Variants in UNKL observed in about 807,000 individuals in gnomAD.
The protein encoded by UNKL is unk like zinc finger.
UNKL carries 60 observed loss-of-function variants against 78.0 expected under a neutral mutation model. The ratio of observed to expected loss-of-function variants is 0.77; its 90% CI spans 0.63 to 0.95. UNKL has a LOEUF of 0.95. UNKL is among the 40% of genes least tolerant of loss of function. UNKL has a pLI of 0.00. For synonymous variants in UNKL, 608 were observed against 474.8 expected (o/e 1.28, Z -3.65); for missense variants, 1,159 against 1,045.7 (o/e 1.11, Z -1.49).
At chr16:1,366,854 AGAGG>A (rs2141906918) in intron 14 of UNKL, among the ~76,000 whole-genome samples, 1 of 143,858 alleles carries the variant, frequency 7.0e-6, no homozygotes, top group South Asian at 2.3e-4. Context: ...TTCGCTGACA[AGAGG>A]GAGGGGTGAA....
chr16:1,368,704 C>T (rs576328990), intron 12 of UNKL, among the ~76,000 whole-genome samples: 1 of 150,306 alleles, frequency 6.7e-6, no homozygotes, highest in African/African-American at 2.5e-5. Context: ...AGTTTGAGAC[C>T]AGTATGGCCA....
chr16:1,378,129 G>A (rs1452115555), intron 10 of UNKL, among the ~76,000 whole-genome samples: 27 of 152,084 alleles, frequency 1.8e-4, no homozygotes, highest in Admixed American at 1.8e-3. Flanking sequence ...AAAGCTGCTC[G>A]GCCTCCAAGC....
rs138187506 is a variant in UNKL at position 1,392,709 on chromosome 16, A to G, written c.1023+182T>C. 1.0e-3 allele frequency among the ~76,000 whole-genome samples: 159 copies of G among 152,352 alleles called. 1 individual carries two copies. The highest frequency in any genetic ancestry group is 3.7e-3 in the African/African-American group (155 of 41,578). The stretch of plus-strand genomic sequence containing the variant: ...CTCAGCCTCCCAAAGTGCTGGGATG[A>G]CAGGCGTGAGCCACTGCCCCCAGCC... On this transcript the variant is annotated intron_variant, in intron 8 of 14. Transcript: ENST00000389221.
intron 10 of UNKL, among the ~76,000 whole-genome samples, chr16:1,380,673 A>ATTTTTTTTTTTT (rs57595079): frequency 7.0e-5 from 7 of 99,396 alleles, no homozygotes; most frequent in African/African-American, 1.6e-4. Context: ...CTGGTTCAGG[A>ATTTTTTTTTTTT]TTTTTTTTTT....
chr16:1,383,967 A>G (rs1360416488), intron 10 of UNKL: 6 of 254,484 alleles, frequency 2.4e-5, no homozygotes, highest in Non-Finnish European at 4.3e-5. Flanking sequence ...GGCTGAGCTG[A>G]GCAGGGCCCG....
intron 10 of UNKL, among the ~76,000 whole-genome samples, chr16:1,380,442 T>C (rs937792432): frequency 2.6e-5 from 4 of 152,128 alleles, no homozygotes; most frequent in East Asian, 1.9e-4. Context: ...AGGAGTGCCC[T>C]GGGGTCAGCG....
intron 10 of UNKL, among the ~76,000 whole-genome samples, chr16:1,381,573 T>C (rs1317199827): frequency 6.6e-6 from 1 of 152,160 alleles, no homozygotes; most frequent in South Asian, 2.1e-4. Flanking sequence ...TGAGGCAAGA[T>C]TGTGCCATTG....
chr16:1,392,535 A>G (rs1239362143), intron 8 of UNKL, among the ~76,000 whole-genome samples: 2 of 152,050 alleles, frequency 1.3e-5, no homozygotes, highest in Admixed American at 1.3e-4. Flanking sequence ...CCTGGGTTCA[A>G]GTGATTCTCC....
In UNKL at chr16:1,399,070, G is replaced by A; in HGVS notation, c.734+304C>T. On this transcript the variant is annotated intron_variant, in intron 5 of 14. Coordinates refer to ENST00000389221, the MANE Select transcript of UNKL (RefSeq NM_001372107.1). This position sits in a 1 kb window ranked among gnomAD's most constrained non-coding sequence, Gnocchi z 5.8. ...CCAGAGGCACGGGTGGGGCACACGG[G>A]GGTCCCAGCTGGGCTTGGGGTCCCT... 7.3e-7 allele frequency: 1 copy of A among 1,366,720 alleles called. No homozygotes were observed. Among genetic ancestry groups the A allele is most frequent in the South Asian group, 1.5e-5 (1 of 66,466 alleles). 84.7% of individuals were successfully genotyped at this position (1,366,720 alleles called of 1,614,324 possible). A position where few individuals can be genotyped will look rare whatever the true frequency, so the allele number is the denominator to read the frequency against.
At chr16:1,396,055 G>A (rs1271315521) in intron 6 of UNKL, among the ~76,000 whole-genome samples, 11 of 151,970 alleles carry the variant, frequency 7.2e-5, no homozygotes, top group Admixed American at 4.6e-4. Context: ...TGATCCTCGC[G>A]CCTCAGCCTC....
rs531018768 is a variant in UNKL at position 1,399,163 on chromosome 16, C to G, written c.734+211G>C. ...AGGGGACTGCATGGGAGACACTGAGCGTAGGTGGGGAGGCCCATCCCCAGG... is the reference window on the plus strand; with the variant it reads ...AGGGGACTGCATGGGAGACACTGAGGGTAGGTGGGGAGGCCCATCCCCAGG... On this transcript the variant is annotated intron_variant, in intron 5 of 14. Transcript: ENST00000389221. The surrounding 1 kb of genome is among the most constrained non-coding windows in gnomAD (Gnocchi z 5.8). 9.0e-7 allele frequency: 1 copy of G among 1,108,534 alleles called. No individual in the cohort carries two copies. The highest frequency in any genetic ancestry group is 1.7e-5 in the South Asian group (1 of 59,834). 68.7% of individuals were successfully genotyped at this position (1,108,534 alleles called of 1,614,324 possible). A position where few individuals can be genotyped will look rare whatever the true frequency, so the allele number is the denominator to read the frequency against.
intron 6 of UNKL, among the ~76,000 whole-genome samples, chr16:1,394,681 C>A (rs970952240): frequency 6.6e-6 from 1 of 152,200 alleles, no homozygotes; most frequent in Non-Finnish European, 1.5e-5. Context: ...AGCCCCCAGT[C>A]GGCCTTGGGA....
At chr16:1,398,681 A>AGGGCC in intron 5 of UNKL, 1 of 694,504 alleles carries the variant, frequency 1.4e-6, no homozygotes, top group Non-Finnish European at 1.9e-6. Context: ...TGGGGTCTGC[A>AGGGCC]CCCCCCCACC....
chr16:1,401,450 TC>T (rs756151961), intron 4 of UNKL, 117 bp downstream of exon 4: 4 of 1,274,956 alleles, frequency 3.1e-6, no homozygotes, highest in Non-Finnish European at 4.1e-6. Context: ...AGCCTCGGTT[TC>T]CCCATCTGAT....
chr16:1,409,509 TTTCC>T (rs541169639), intron 2 of UNKL, among the ~76,000 whole-genome samples: 161 of 152,156 alleles, frequency 1.1e-3, no homozygotes, highest in African/African-American at 3.7e-3. Flanking sequence ...AATAAGGAAA[TTTCC>T]TTACTATGTG....
rs2035118845 is a variant in UNKL at position 1,364,895 on chromosome 16, C to T, written c.*1345G>A. ...CGGGTGCTGGGGAGGCAACCACTCT[C>T]CCAGTTCACTGCCTGACCCCTGCCA... On this transcript the variant is annotated 3_prime_UTR_variant, in exon 15 of 15. Coordinates refer to ENST00000389221, the MANE Select transcript of UNKL (RefSeq NM_001372107.1). 6.6e-6 allele frequency: 1 copy of T among 152,420 alleles called. No homozygotes were observed. Among genetic ancestry groups the T allele is most frequent in the Non-Finnish European group, 1.5e-5 (1 of 68,178 alleles). 9.4% of individuals were successfully genotyped at this position (152,420 alleles called of 1,614,324 possible). A position where few individuals can be genotyped will look rare whatever the true frequency, so the allele number is the denominator to read the frequency against.
intron 4 of UNKL, 98 bp downstream of exon 4, chr16:1,401,470 A>C (rs547395595): frequency 6.0e-6 from 8 of 1,343,184 alleles, no homozygotes; most frequent in Non-Finnish European, 7.8e-6. Flanking sequence ...ATCACCTTGC[A>C]CGTAAACTGA....
intron 9 of UNKL, among the ~76,000 whole-genome samples, chr16:1,388,194 C>T (rs1189224755): frequency 6.6e-6 from 1 of 152,140 alleles, no homozygotes; most frequent in Non-Finnish European, 1.5e-5. Flanking sequence ...GAGTCTGTGC[C>T]CCGCACCTGT....
intron 6 of UNKL, among the ~76,000 whole-genome samples, chr16:1,396,686 T>C (rs555940558): frequency 1.1e-4 from 16 of 152,184 alleles, no homozygotes; most frequent in East Asian, 3.9e-4. Context: ...CTCCGCCTCC[T>C]GGGTTCACGC....
Sources: allele counts gnomAD v4.1 joint callset (sites outside exome capture counted in the v4.1 genomes callset), GRCh38; gene constraint gnomAD v4.1.1; non-coding constraint Gnocchi (gnomAD v3.1); transcripts MANE v1.5; gene names NCBI Gene and HGNC (gene_info 2026-07-23, HGNC 2026-07-21).